Variants in KIF13A observed in about 807,000 individuals in gnomAD.
KIF13A encodes the protein kinesin-like protein KIF13A.
Under a neutral mutation model 212.2 loss-of-function variants are expected in KIF13A, and 79 were observed. The ratio of observed to expected loss-of-function variants is 0.37; its 90% confidence interval spans 0.31 to 0.45. The LOEUF is 0.45. Among genes scored for constraint, KIF13A ranks in the 20% least tolerant of loss-of-function variants. The pLI, the probability that KIF13A is intolerant of heterozygous loss-of-function variation, is 1.00. For synonymous variants in KIF13A, 789 were observed against 808.6 expected, an observed-to-expected ratio of 0.98 and a Z score of 0.41; for missense variants, 1,901 against 2,209.0, an observed-to-expected ratio of 0.86 and a Z score of 2.79.
At chr6:17,805,204 G>A (rs1275522269) in intron 19 of KIF13A, among the ~76,000 whole-genome samples, 4 of 152,184 alleles carry the variant, frequency 2.6e-5, no homozygotes, top group South Asian at 2.1e-4. Flanking sequence ...CACTTGAAAT[G>A]TAGTAAACAT....
At chr6:17,860,539 A>G (rs921535513) in intron 4 of KIF13A, among the ~76,000 whole-genome samples, 2 of 152,066 alleles carry the variant, frequency 1.3e-5, no homozygotes, top group African/African-American at 4.8e-5. Context: ...GAAAACAGTA[A>G]TTGCTGCATC....
At chr6:17,802,923 GTTTTTTTTGT>G (rs1241158534) in intron 20 of KIF13A, among the ~76,000 whole-genome samples, 4 of 135,652 alleles carry the variant, frequency 2.9e-5, no homozygotes, top group Non-Finnish European at 3.2e-5. Context: ...ATTTTTTTGT[GTTTTTTTTGT>G]TTTTTTTTGT....
At chr6:17,867,340 A>G (rs1002643662) in intron 4 of KIF13A, among the ~76,000 whole-genome samples, 1 of 152,216 alleles carries the variant, frequency 6.6e-6, no homozygotes, top group Non-Finnish European at 1.5e-5. Flanking sequence ...AGGATTTGGC[A>G]TATTTTTTCA....
rs1230823848 is a variant in KIF13A, at chr6:17,855,516, C to T, written c.415G>A (p.Glu139Lys). 1 of 1,613,798 alleles carries T rather than the reference C, an allele frequency of 6.2e-7. No individual in the cohort carries two copies. Among genetic ancestry groups the T allele is most frequent in the East Asian group, 2.2e-5 (1 of 44,872 alleles). Residue 139 changes from glutamate to lysine, a missense_variant, in exon 6 of 39, where the codon GAG becomes AAG. Glu to Lys is a moderately conservative substitution (Grantham distance 56, BLOSUM62 1). Around this residue, in one of 5 missense-constraint regions of KIF13A, gnomAD observed 506 missense variants for 637.4 expected, o/e 0.79. Coordinates refer to ENST00000259711, the MANE Select transcript of KIF13A (RefSeq NM_022113.6). The surrounding 1 kb of genome is among the most constrained non-coding windows in gnomAD (Gnocchi z 4.1). ...ACTTCAACTTTAAAGGTCTGTGACT[C>T]ATTTTGCTCCAAAGAGATCCTTTTA... The part of the protein sequence containing the change: ...LFKRISLEQN[E>K]SQTFKVEVSY...
In KIF13A at chr6:17,785,704, A is replaced by G. The variant is rs987840181; in HGVS notation, c.3362-63T>C. The G allele has an allele frequency of 2.6e-6, 4 of 1,551,942 alleles. No homozygotes were observed. The highest frequency in any genetic ancestry group is 3.5e-6 in the Non-Finnish European group (4 of 1,143,590). On this transcript the variant is annotated intron_variant, in intron 27 of 38. Transcript: ENST00000259711. This position sits in a 1 kb window ranked among gnomAD's most constrained non-coding sequence, Gnocchi z 5.8. ...AGAAAGTATGACTTCTCAGTTTACA[A>G]GGAATAGATTTCAGCCTGGGCAACA...
chr6:17,805,388 TG>T, intron 19 of KIF13A, 86 bp downstream of exon 19: 2 of 269,354 alleles, frequency 7.4e-6, no homozygotes, highest in Non-Finnish European at 1.3e-5. Context: ...TGTGTGTGTG[TG>T]TGTGTGTGTG....
intron 29 of KIF13A, among the ~76,000 whole-genome samples, chr6:17,782,994 TC>T (rs1179698750): frequency 1.3e-5 from 2 of 152,164 alleles, no homozygotes; most frequent in Non-Finnish European, 2.9e-5. Flanking sequence ...AAAGCCACCC[TC>T]CCTGTGTCTT....
At chr6:17,824,477 C>T (rs973075561) in intron 16 of KIF13A, among the ~76,000 whole-genome samples, 12 of 151,724 alleles carry the variant, frequency 7.9e-5, no homozygotes, top group East Asian at 3.9e-4. Context: ...ACAAAATGCT[C>T]GGCTGGGCGT....
At chr6:17,932,691 A>G (rs994191415) in intron 2 of KIF13A, among the ~76,000 whole-genome samples, 2 of 152,116 alleles carry the variant, frequency 1.3e-5, no homozygotes, top group African/African-American at 4.8e-5. Flanking sequence ...GCACTACTGT[A>G]CAGATTCCAG....
At chr6:17,882,051 T>A (rs982386054) in intron 3 of KIF13A, 1 of 456,954 alleles carries the variant, frequency 2.2e-6, no homozygotes, top group Non-Finnish European at 4.4e-6. Flanking sequence ...CCAGAAGGCA[T>A]CTGTGTTTTA....
At chr6:17,817,268 T>C (rs1234849954) in intron 16 of KIF13A, 35 bp from the exon 17 acceptor site, 2 of 1,586,906 alleles carry the variant, frequency 1.3e-6, no homozygotes, top group Admixed American at 3.4e-5. Flanking sequence ...GGTGTCTTAG[T>C]GGCGGCTAAA....
rs184385862 is a variant in KIF13A at position 17,834,038 on chromosome 6, C to T, written c.1189G>A (p.Glu397Lys). Residue 397 changes from glutamate (E) to lysine (K), a missense_variant, in exon 12 of 39, where the codon GAA (glutamate) becomes AAA (lysine). Around this residue, in one of 5 missense-constraint regions of KIF13A, gnomAD observed 506 missense variants for 637.4 expected, o/e 0.79. Transcript: ENST00000259711. This position sits in a 1 kb window ranked among gnomAD's most constrained non-coding sequence, Gnocchi z 4.0. ...MKAPELKEKLEESEKLIKELT... is the reference protein window; with the variant it reads ...MKAPELKEKLKESEKLIKELT... Reference sequence around the variant, plus strand: ...TCTTTTATCAGCTTTTCAGACTCTTCGAGCTTCTCCTTCAGTTCAGGGGCC... The same window carrying T: ...TCTTTTATCAGCTTTTCAGACTCTTTGAGCTTCTCCTTCAGTTCAGGGGCC... 506 of 1,599,476 alleles carry T rather than the reference C, an allele frequency of 3.2e-4. 2 individuals are homozygous for T. In the East Asian group the frequency reaches 9.4e-3, roughly 30 times the overall value.
intron 2 of KIF13A, among the ~76,000 whole-genome samples, chr6:17,932,896 C>T (rs1363558159): frequency 6.6e-6 from 1 of 152,108 alleles, no homozygotes; most frequent in African/African-American, 2.4e-5. Context: ...GGAATACATC[C>T]CTTTCCAAAT....
intron 2 of KIF13A, among the ~76,000 whole-genome samples, chr6:17,904,571 A>G (rs1166729872): frequency 6.6e-6 from 1 of 152,260 alleles, no homozygotes; most frequent in Non-Finnish European, 1.5e-5. Context: ...TAGGTAGTAC[A>G]GACCTGGAAA....
At chr6:17,798,709 T>C (rs1237992598) in intron 22 of KIF13A, among the ~76,000 whole-genome samples, 1 of 152,214 alleles carries the variant, frequency 6.6e-6, no homozygotes, top group East Asian at 1.9e-4. Context: ...GTATATGATG[T>C]CTCAAAGGAG....
Position 17,905,858 on chromosome 6 carries a change from T to C in KIF13A, c.147-7678A>G, listed in dbSNP as rs531777581. The stretch of plus-strand genomic sequence containing the variant: ...GCAGAGAAAGTGAGACCTGGGATGA[T>C]GGTATAGGGATGAGGTTTTGCAGGA... On this transcript the variant is annotated intron_variant, in intron 2 of 38. Coordinates refer to ENST00000259711, the MANE Select transcript of KIF13A (RefSeq NM_022113.6). Among the ~76,000 whole-genome samples the C allele has an allele frequency of 1.4e-3, 207 of 152,328 alleles. 1 individual carries two copies. Among genetic ancestry groups the C allele is most frequent in the African/African-American group, 4.8e-3 (201 of 41,570 alleles).
At chr6:17,905,798 T>C (rs1381624575) in intron 2 of KIF13A, among the ~76,000 whole-genome samples, 2 of 152,192 alleles carry the variant, frequency 1.3e-5, no homozygotes, top group Admixed American at 6.5e-5. Flanking sequence ...CATGGGATTG[T>C]TCTGTTGCCA....
At chr6:17,796,902 T>C in intron 22 of KIF13A, 82 bp from the exon 23 acceptor site, 1 of 849,272 alleles carries the variant, frequency 1.2e-6, no homozygotes, top group Non-Finnish European at 1.6e-6. Flanking sequence ...CTGTTATATT[T>C]ATTTTAGAGT....
At chr6:17,848,528 T>C (rs1767298102) in intron 9 of KIF13A, among the ~76,000 whole-genome samples, 1 of 149,898 alleles carries the variant, frequency 6.7e-6, no homozygotes, top group Non-Finnish European at 1.5e-5. Flanking sequence ...AGCTGCACCA[T>C]GCAGTTTTAT....
Sources: allele counts gnomAD v4.1 joint callset (sites outside exome capture counted in the v4.1 genomes callset), GRCh38; gene constraint gnomAD v4.1.1; regional missense constraint gnomAD v4.1.1; non-coding constraint Gnocchi (gnomAD v3.1); transcripts MANE v1.5; gene names NCBI Gene and HGNC (gene_info 2026-07-23, HGNC 2026-07-21).